The following SNX29 variants were observed in gnomAD, a reference collection of about 807,000 sequenced individuals.
The protein encoded by SNX29 is sorting nexin-29.
SNX29 carries 78 observed loss-of-function variants against 102.1 expected under a neutral mutation model. That is an observed-to-expected ratio of 0.76 (90% confidence interval 0.64 to 0.92). The LOEUF (loss-of-function observed/expected upper bound fraction) is 0.92. Among genes scored for constraint, SNX29 ranks in the 40% least tolerant of loss-of-function variants. The pLI is 0.00. For synonymous variants in SNX29, 580 were observed against 414.5 expected (o/e 1.40, Z -4.85); for missense variants, 1,280 against 1,061.7 (o/e 1.21, Z -2.86).
rs1200055118 is a variant in SNX29 at position 12,530,479 on chromosome 16, G to A, written c.2318+5638G>A. On this transcript the variant is annotated intron_variant, in intron 20 of 20. Transcript: ENST00000566228. ...TCACTGTCAAGTCTTTTGTGTAACT[G>A]CAGAAATCATCAATATTTATGTAAG... is the stretch of plus-strand genomic sequence containing the variant. 7.2e-5 allele frequency among the ~76,000 whole-genome samples: 11 copies of A among 151,842 alleles called. No individual in the cohort carries two copies. The East Asian group carries it at 1.5e-3, about 21-fold the overall frequency.
chr16:12,240,024 A>G (rs2142281095), intron 14 of SNX29, among the ~76,000 whole-genome samples: 1 of 152,278 alleles, frequency 6.6e-6, no homozygotes, highest in Non-Finnish European at 1.5e-5. Context: ...TAGGTAAATC[A>G]TTTTGCATTC....
chr16:12,168,930 G>A (rs1377032332), intron 13 of SNX29, among the ~76,000 whole-genome samples: 3 of 152,174 alleles, frequency 2.0e-5, no homozygotes, highest in Non-Finnish European at 4.4e-5. Context: ...TGGGTTGTGG[G>A]GTGAGGAGGG....
At chr16:12,560,337 A>G (rs1266566801) in intron 20 of SNX29, among the ~76,000 whole-genome samples, 1 of 152,182 alleles carries the variant, frequency 6.6e-6, no homozygotes, top group South Asian at 2.1e-4. Flanking sequence ...GGGTTTACCG[A>G]AGGGGGATTT....
intron 11 of SNX29, among the ~76,000 whole-genome samples, chr16:12,117,207 G>A (rs912304456): frequency 1.3e-3 from 174 of 134,592 alleles, no homozygotes; most frequent in African/African-American, 2.3e-3. Context: ...CGGATGAACC[G>A]TGGAAACAGG....
At chr16:12,560,839 T>G (rs922102263) in intron 20 of SNX29, 2 of 181,724 alleles carry the variant, frequency 1.1e-5, no homozygotes, top group Non-Finnish European at 2.3e-5. Flanking sequence ...ATGGCCGGCT[T>G]AAGGATGTTA....
At chr16:12,342,261 C>T (rs192611740) in intron 15 of SNX29, among the ~76,000 whole-genome samples, 13 of 152,314 alleles carry the variant, frequency 8.5e-5, no homozygotes, top group Admixed American at 3.3e-4. Flanking sequence ...TCACAGATGT[C>T]TGCTGCATGC....
intron 14 of SNX29, among the ~76,000 whole-genome samples, chr16:12,270,158 A>G (rs2079049217): frequency 6.6e-6 from 1 of 152,202 alleles, no homozygotes; most frequent in African/African-American, 2.4e-5. Flanking sequence ...CACCACGTCC[A>G]GCCCCGTTCT....
intron 15 of SNX29, among the ~76,000 whole-genome samples, chr16:12,301,921 A>G (rs1160440904): frequency 6.6e-6 from 1 of 152,170 alleles, no homozygotes; most frequent in Non-Finnish European, 1.5e-5. Flanking sequence ...CTTACCTAAC[A>G]TTGCGGCTGC....
intron 1 of SNX29, among the ~76,000 whole-genome samples, chr16:11,984,894 A>G (rs986205864): frequency 1.7e-4 from 26 of 152,218 alleles, no homozygotes; most frequent in Admixed American, 1.4e-3. Context: ...ACCTCAAGTG[A>G]TCCTCCTGCT....
In SNX29 at chr16:12,569,750, G is replaced by C. The variant is rs2079146325; in HGVS notation, c.*1121G>C. 4.3e-6 allele frequency: 1 copy of C among 230,572 alleles called. No homozygotes were observed. Among genetic ancestry groups the C allele is most frequent in the South Asian group, 1.8e-4 (1 of 5,506 alleles). 14.3% of individuals were successfully genotyped at this position (230,572 alleles called of 1,614,324 possible). On this transcript the variant is annotated 3_prime_UTR_variant, in exon 21 of 21. Transcript: ENST00000566228. ...GGCAGCCCCCAGGGCTCCTCCTCCA[G>C]TGAGCTCACATCAGAGCACCTCACA...
intron 20 of SNX29, among the ~76,000 whole-genome samples, chr16:12,562,591 G>A (rs1244477079): frequency 2.6e-5 from 4 of 152,150 alleles, no homozygotes; most frequent in Non-Finnish European, 4.4e-5. Flanking sequence ...CCAGAGACGG[G>A]GACAAAGGTC....
chr16:12,429,988 G>A (rs997669083), intron 18 of SNX29, among the ~76,000 whole-genome samples: 6 of 152,180 alleles, frequency 3.9e-5, no homozygotes, highest in Non-Finnish European at 8.8e-5. Context: ...GTTAGGAACC[G>A]GGCCACACAG....
intron 16 of SNX29, among the ~76,000 whole-genome samples, chr16:12,397,955 A>C (rs2083778602): frequency 6.6e-6 from 1 of 152,152 alleles, no homozygotes; most frequent in Admixed American, 6.5e-5. Flanking sequence ...CTTCTGAGTC[A>C]GGAGAAGCCA....
intron 19 of SNX29, among the ~76,000 whole-genome samples, chr16:12,517,637 T>C (rs1001643019): frequency 2.0e-5 from 3 of 152,176 alleles, no homozygotes; most frequent in African/African-American, 4.8e-5. Context: ...GGCGCTGTGA[T>C]AGGCTCCGGC....
chr16:12,499,458 G>A (rs898133616), intron 19 of SNX29, among the ~76,000 whole-genome samples: 2 of 152,172 alleles, frequency 1.3e-5, no homozygotes, highest in East Asian at 3.9e-4. Flanking sequence ...AAATGAAGGC[G>A]TCTTGGGGAT....
intron 18 of SNX29, among the ~76,000 whole-genome samples, chr16:12,404,209 C>A (rs2084073544): frequency 6.6e-6 from 1 of 152,150 alleles, no homozygotes; most frequent in African/African-American, 2.4e-5. Context: ...ACAAGCGGGA[C>A]CTGTAGACAT....
chr16:12,108,706 G>C (rs1022241479), intron 11 of SNX29, among the ~76,000 whole-genome samples: 1 of 152,148 alleles, frequency 6.6e-6, no homozygotes, highest in Non-Finnish European at 1.5e-5. Flanking sequence ...AGTTATGCTG[G>C]TGGTGGCCAG....
intron 14 of SNX29, among the ~76,000 whole-genome samples, chr16:12,230,950 G>A (rs941810907): frequency 9.9e-5 from 15 of 152,014 alleles, no homozygotes; most frequent in Non-Finnish European, 1.9e-4. Flanking sequence ...GGGTTCAAGC[G>A]ATTCTCCTGC....
chr16:12,450,991 A>G (rs557335372), intron 18 of SNX29, among the ~76,000 whole-genome samples: 1 of 152,216 alleles, frequency 6.6e-6, no homozygotes, highest in South Asian at 2.1e-4. Context: ...GGGACCCAGT[A>G]CTAGGGAATA....
Sources: allele counts gnomAD v4.1 joint callset (sites outside exome capture counted in the v4.1 genomes callset), GRCh38; gene constraint gnomAD v4.1.1; transcripts MANE v1.5; gene names NCBI Gene and HGNC (gene_info 2026-07-23, HGNC 2026-07-21).